The following SEMA5A variants were observed in gnomAD, a reference collection of about 807,000 sequenced individuals.
The protein encoded by SEMA5A is semaphorin 5A, also known as semaphorin-5A.
In SEMA5A, 55 loss-of-function variants were observed where a neutral mutation model predicts 135.5. The observed-to-expected ratio is 0.41, with a 90% confidence interval of 0.33 to 0.51. SEMA5A has a LOEUF of 0.51. Among genes scored for constraint, SEMA5A ranks in the 20% least tolerant of loss-of-function variants. SEMA5A has a pLI of 0.37. For missense variants in SEMA5A, 1,290 were observed against 1,419.9 expected, an observed-to-expected ratio of 0.91 and a Z score of 1.47; for synonymous variants, 580 against 546.5, an observed-to-expected ratio of 1.06 and a Z score of -0.85.
chr5:9,485,712 A>G (rs1033232358), intron 1 of SEMA5A, among the ~76,000 whole-genome samples: 1 of 152,194 alleles, frequency 6.6e-6, no homozygotes, highest in African/African-American at 2.4e-5. Context: ...AACATCCTCA[A>G]TGATCTCCAA....
At chr5:9,134,505 T>A (rs190694531) in intron 13 of SEMA5A, among the ~76,000 whole-genome samples, 13 of 152,250 alleles carry the variant, frequency 8.5e-5, no homozygotes, top group African/African-American at 3.1e-4. Context: ...ATAAACCAAG[T>A]GCGTGGGTGT....
At chr5:9,099,760 T>C (rs1739518481) in intron 16 of SEMA5A, among the ~76,000 whole-genome samples, 1 of 152,188 alleles carries the variant, frequency 6.6e-6, no homozygotes, top group Non-Finnish European at 1.5e-5. Context: ...ATTTCACACA[T>C]CAGGCTGTGC....
intron 5 of SEMA5A, among the ~76,000 whole-genome samples, chr5:9,288,142 C>G (rs747459677): frequency 5.9e-5 from 9 of 152,146 alleles, no homozygotes; most frequent in Non-Finnish European, 1.2e-4. Context: ...CTTTATGAAT[C>G]AAGGGTTCTA....
chr5:9,175,383 A>G (rs1382485574), intron 11 of SEMA5A, among the ~76,000 whole-genome samples: 3 of 152,066 alleles, frequency 2.0e-5, no homozygotes, highest in Non-Finnish European at 4.4e-5. Context: ...TAGGAAATGA[A>G]CACCCATCCC....
intron 5 of SEMA5A, among the ~76,000 whole-genome samples, chr5:9,290,073 GT>G (rs111565531): frequency 7.2e-5 from 11 of 152,132 alleles, no homozygotes; most frequent in African/African-American, 2.4e-4. Context: ...ATTTCAATAG[GT>G]TTTTTGGAAA....
intron 18 of SEMA5A, among the ~76,000 whole-genome samples, chr5:9,054,793 G>A (rs1489297656): frequency 6.6e-6 from 1 of 152,210 alleles, no homozygotes; most frequent in African/African-American, 2.4e-5. Flanking sequence ...GTCCCATGAG[G>A]AAGGTAACTG....
chr5:9,173,592 A>C (rs1482451131), intron 11 of SEMA5A, among the ~76,000 whole-genome samples: 1 of 152,122 alleles, frequency 6.6e-6, no homozygotes, highest in African/African-American at 2.4e-5. Flanking sequence ...CACTAATCCC[A>C]TTCATGAGGA....
intron 16 of SEMA5A, among the ~76,000 whole-genome samples, chr5:9,067,128 G>A (rs1224744308): frequency 2.6e-5 from 4 of 152,144 alleles, no homozygotes; most frequent in Non-Finnish European, 4.4e-5. Flanking sequence ...AATGATGCAA[G>A]AGACTTTTTT....
At position 9,190,506 on chromosome 5, in the gene SEMA5A, G is replaced by T. The variant is rs772539892; in HGVS notation, c.1069-35C>A. The T allele has an allele frequency of 2.5e-6, 4 of 1,603,704 alleles. No individual in the cohort carries two copies. The East Asian group carries it at 6.7e-5, about 27-fold the overall frequency. ...AAGACGGGCCAGGTTACCAGAGCCG[G>T]CAGCCTGGACACCCACAGCTGGCTG... On this transcript the variant is annotated intron_variant, in intron 10 of 22. Transcript: ENST00000382496.
At chr5:9,334,040 G>A (rs988397854) in intron 4 of SEMA5A, among the ~76,000 whole-genome samples, 3 of 151,996 alleles carry the variant, frequency 2.0e-5, no homozygotes, top group Non-Finnish European at 4.4e-5. Context: ...AGTACCTTCC[G>A]ATTCTCCATA....
intron 8 of SEMA5A, among the ~76,000 whole-genome samples, chr5:9,213,590 A>C (rs982199037): frequency 1.3e-5 from 2 of 152,222 alleles, no homozygotes; most frequent in Admixed American, 6.5e-5. Context: ...AGCGCCCAGC[A>C]AACTCTAGCC....
intron 11 of SEMA5A, among the ~76,000 whole-genome samples, chr5:9,181,620 T>G (rs1249634026): frequency 1.3e-5 from 2 of 152,156 alleles, no homozygotes; most frequent in African/African-American, 4.8e-5. Context: ...CTCCTTCCCC[T>G]TGGCTTCTCA....
chr5:9,460,408 TAAG>T (rs1267215395), intron 1 of SEMA5A, among the ~76,000 whole-genome samples: 1 of 152,134 alleles, frequency 6.6e-6, no homozygotes, highest in African/African-American at 2.4e-5. Context: ...TTCAACAGAT[TAAG>T]TATATACCCA....
At position 9,067,862 on chromosome 5, in the gene SEMA5A, G is replaced by A. The variant is rs73043661; in HGVS notation, c.2074-1216C>T. Among the ~76,000 whole-genome samples, 1,357 of 151,592 alleles carry A rather than the reference G, an allele frequency of 9.0e-3. 35 individuals are homozygous for A. The highest frequency in any genetic ancestry group is 0.031 in the African/African-American group (1,284 of 41,356). On this transcript the variant is annotated intron_variant, in intron 16 of 22. Transcript: ENST00000382496. ...CATAGTTTCCATATCTTCATCTTTT[G>A]CTTTAGTTTCTGGAAGATTTCCTCA...
At chr5:9,400,046 A>G (rs1034409588) in intron 2 of SEMA5A, among the ~76,000 whole-genome samples, 1 of 152,214 alleles carries the variant, frequency 6.6e-6, no homozygotes, top group Admixed American at 6.5e-5. Context: ...TTCTCAGCAA[A>G]CTAACACAGG....
intron 1 of SEMA5A, among the ~76,000 whole-genome samples, chr5:9,440,755 C>A (rs1758203625): frequency 6.6e-6 from 1 of 152,250 alleles, no homozygotes; most frequent in African/African-American, 2.4e-5. Context: ...CCCTGCCCAA[C>A]TTACTCAGAA....
chr5:9,178,437 T>C (rs998096296), intron 11 of SEMA5A, among the ~76,000 whole-genome samples: 1 of 151,720 alleles, frequency 6.6e-6, no homozygotes, highest in Admixed American at 6.6e-5. Flanking sequence ...GTTCAAGTGA[T>C]TCTCCTGCCT....
Position 9,165,242 on chromosome 5 carries a change from A to C in SEMA5A, c.1274-10547T>G, listed in dbSNP as rs562281517. ...GTGCAATAAAAAACTTAAAGGGTAG[A>C]AATGTAATATATCTGATATATATAA... On this transcript the variant is annotated intron_variant, in intron 11 of 22. Transcript: ENST00000382496. Among the ~76,000 whole-genome samples, 49 of 152,334 alleles carry C rather than the reference A, an allele frequency of 3.2e-4. 1 individual carries two copies. Among genetic ancestry groups the C allele is most frequent in the African/African-American group, 1.1e-3 (47 of 41,570 alleles).
chr5:9,209,029 A>G (rs1746202525), intron 8 of SEMA5A, among the ~76,000 whole-genome samples: 2 of 152,188 alleles, frequency 1.3e-5, no homozygotes, highest in South Asian at 4.1e-4. Flanking sequence ...TGACCCATTG[A>G]AAATACACTA....
Sources: allele counts gnomAD v4.1 joint callset (sites outside exome capture counted in the v4.1 genomes callset), GRCh38; gene constraint gnomAD v4.1.1; transcripts MANE v1.5; gene names NCBI Gene and HGNC (gene_info 2026-07-23, HGNC 2026-07-21).